Variants in SRRM2 observed in about 807,000 individuals in gnomAD.
The protein encoded by SRRM2 is serine/arginine repetitive matrix protein 2.
In SRRM2, 30 loss-of-function variants were observed where a neutral mutation model predicts 213.8. That is an observed-to-expected ratio of 0.14 (90% confidence interval 0.10 to 0.19). SRRM2 has a LOEUF of 0.19. Among genes scored for constraint, SRRM2 ranks in the 10% least tolerant of loss-of-function variants. The probability of loss-of-function intolerance (pLI) is 1.00; values close to 1 mark genes in which losing one functional copy is unlikely to be tolerated. For missense variants in SRRM2, 4,904 were observed against 3,647.0 expected (o/e 1.34, Z -8.88); for synonymous variants, 2,025 against 1,377.7 (o/e 1.47, Z -10.40).
chr16:2,759,334 C>G lies in SRRM2; in HGVS notation c.690-18C>G. The G allele has an allele frequency of 6.2e-7, 1 of 1,609,068 alleles. No homozygotes were observed. Among genetic ancestry groups the G allele is most frequent in the Non-Finnish European group, 8.5e-7 (1 of 1,178,660 alleles). On this transcript the variant is annotated intron_variant, in intron 7 of 14. Coordinates refer to ENST00000301740, the MANE Select transcript of SRRM2 (RefSeq NM_016333.4). ...TTTTTAAAGAAGTTACTTTTAACAA[C>G]CTTTCCTTATTTCCCAGGTCTCCCA...
chr16:2,755,886 G>A (rs867819674), intron 1 of SRRM2, among the ~76,000 whole-genome samples: 2 of 152,138 alleles, frequency 1.3e-5, no homozygotes, highest in Non-Finnish European at 2.9e-5. Context: ...ATCTGTGTCT[G>A]GTGTTTGTTG....
chr16:2,759,469 A>G, intron 8 of SRRM2, 67 bp downstream of exon 8: 2 of 1,597,386 alleles, frequency 1.3e-6, no homozygotes, highest in Non-Finnish European at 1.7e-6. Context: ...AGGGAGTTGA[A>G]TGAGTTATGT....
chr16:2,756,277 G>GGTAAGTGGTTAGTTTGGGGCC, intron 1 of SRRM2, 57 bp from the exon 2 acceptor site: 1 of 1,417,310 alleles, frequency 7.1e-7, no homozygotes, highest in Non-Finnish European at 9.3e-7. Flanking sequence ...GGTGTGGGGC[G>GGTAAGTGGTTAGTTTGGGGCC]GTAAGTGGTT....
At position 2,767,642 on chromosome 16, in the gene SRRM2, G is replaced by T; in HGVS notation, c.7114G>T (p.Ala2372Ser). 1 of 1,614,162 alleles carries T rather than the reference G, an allele frequency of 6.2e-7. No individual in the cohort carries two copies. ...CGCGAGCCTCACCAGTGCTAGGATG[G>T]CTCCAGCATTGTCTGGTGCAAACCT... ...APASLTSARMAPALSGANLTS... is the reference protein window; with the variant it reads ...APASLTSARMSPALSGANLTS... The change falls in exon 11 of 15, where the codon GCT (alanine) becomes TCT (serine). Residue 2372 changes from alanine to serine, a missense_variant. Ala to Ser is a moderately conservative substitution (Grantham distance 99, BLOSUM62 1). Coordinates refer to ENST00000301740, the MANE Select transcript of SRRM2 (RefSeq NM_016333.4).
chr16:2,765,696 G>C lies in SRRM2; in HGVS notation c.5168G>C (p.Arg1723Thr). The stretch of plus-strand genomic sequence containing the variant: ...GAAACTCGCTCTAGAACTCCCCCAA[G>C]GCACCGGAGAAGTCCCTCAGTGTCT... ...SPETRSRTPP[R>T]HRRSPSVSSP... The change falls in exon 11 of 15, where the codon AGG becomes ACG. Residue 1723 changes from arginine to threonine, a missense_variant. Transcript: ENST00000301740. The C allele has an allele frequency of 1.9e-6, 3 of 1,614,088 alleles. No individual in the cohort carries two copies. The highest frequency in any genetic ancestry group is 2.5e-6 in the Non-Finnish European group (3 of 1,180,018).
chr16:2,760,028 G>C, intron 9 of SRRM2: 1 of 558,466 alleles, frequency 1.8e-6, no homozygotes, highest in Non-Finnish European at 3.2e-6. Flanking sequence ...GAATGAAGCG[G>C]GTAGGGAGTG....
rs1211302654 is a variant in SRRM2, at chr16:2,765,586, T to C, written c.5058T>C (p.Pro1686=). ...CCAAGACCAAGTCTCGTACACCACC[T>C]CGACGTCGCAGCTCTCGATCATCTC... The part of the protein sequence containing the change: ...PEPKTKSRTP[P]RRRSSRSSPE... The change falls in exon 11 of 15, where the codon CCT becomes CCC. Residue 1686 remains proline (P), a synonymous_variant. Transcript: ENST00000301740. 1.2e-6 allele frequency: 2 copies of C among 1,613,926 alleles called. No homozygotes were observed. The highest frequency in any genetic ancestry group is 2.7e-5 in the African/African-American group (2 of 74,848).
chr16:2,767,951 C>G lies in SRRM2; in HGVS notation c.7423C>G (p.Leu2475Val). The change falls in exon 11 of 15, where the codon CTT becomes GTT. Residue 2475 changes from leucine to valine, a missense_variant. Physicochemically the swap from Leu to Val is conservative, Grantham distance 32. Coordinates refer to ENST00000301740, the MANE Select transcript of SRRM2 (RefSeq NM_016333.4). ...CACCCCTGTAGCAGGGTCTCAGTCC[C>G]TTTCCTCTGGGGCAGTGGCAACGAC... ...QTTPVAGSQS[L>V]SSGAVATTTS... 1.2e-6 allele frequency: 2 copies of G among 1,614,212 alleles called. No individual in the cohort carries two copies. The highest frequency in any genetic ancestry group is 1.7e-6 in the Non-Finnish European group (2 of 1,180,044).
rs1270112669 is a variant in SRRM2, at chr16:2,770,401, C to T, written c.8071C>T (p.Leu2691Phe). The T allele has an allele frequency of 9.3e-6, 15 of 1,610,226 alleles. No homozygotes were observed. Among genetic ancestry groups the T allele is most frequent in the Non-Finnish European group, 2.5e-6 (3 of 1,178,484 alleles). Residue 2691 changes from leucine to phenylalanine, a missense_variant, in exon 13 of 15, where the codon CTC (leucine) becomes TTC (phenylalanine). Physicochemically the swap from Leu to Phe is conservative, Grantham distance 22 (BLOSUM62 0). Transcript: ENST00000301740. ...PIDSLRDSRS[L>F]SYSPVERRRP... ...AGACTCCCTCAGGGACTCTCGGTCCCTCAGCTACTCGCCTGTGGAGCGTCG... is the reference window on the plus strand; with the variant it reads ...AGACTCCCTCAGGGACTCTCGGTCCTTCAGCTACTCGCCTGTGGAGCGTCG...
At position 2,767,461 on chromosome 16, in the gene SRRM2, C is replaced by T; in HGVS notation, c.6933C>T (p.Leu2311=). The T allele has an allele frequency of 6.2e-7, 1 of 1,614,208 alleles. No homozygotes were observed. Among genetic ancestry groups the T allele is most frequent in the Non-Finnish European group, 8.5e-7 (1 of 1,180,032 alleles). Residue 2311 remains leucine (L), a synonymous_variant, in exon 11 of 15, where the codon CTC becomes CTT. Coordinates refer to ENST00000301740, the MANE Select transcript of SRRM2 (RefSeq NM_016333.4). ...CAGCTGCCTTGGCAGCTCTGAGTCT[C>T]ACAGGCTCTGGCACACCACCAACTG... is the stretch of plus-strand genomic sequence containing the variant. The part of the protein sequence containing the change: ...RTPAALAALS[L]TGSGTPPTAA...
chr16:2,756,619 T>A lies in SRRM2; in HGVS notation c.242+13T>A. The A allele has an allele frequency of 6.2e-7, 1 of 1,605,776 alleles. No individual in the cohort carries two copies. Among genetic ancestry groups the A allele is most frequent in the Non-Finnish European group, 8.5e-7 (1 of 1,175,752 alleles). On this transcript the variant is annotated intron_variant, in intron 2 of 14. Transcript: ENST00000301740. ...TGGAAGAGCAGGGGTGAGGGAGAGC[T>A]GGGGGAGAGTCAAGCACTGAATGAG... is the stretch of plus-strand genomic sequence containing the variant.
chr16:2,754,895 C>T (rs2068086613), intron 1 of SRRM2, among the ~76,000 whole-genome samples: 1 of 152,154 alleles, frequency 6.6e-6, no homozygotes, highest in African/African-American at 2.4e-5. Context: ...CTTCTGCTTT[C>T]AATATTGGGT....
Position 2,763,247 on chromosome 16 carries a change from C to G in SRRM2, c.2719C>G (p.Gln907Glu), listed in dbSNP as rs774873039. The G allele has an allele frequency of 2.5e-5, 41 of 1,613,980 alleles. No individual in the cohort carries two copies. The South Asian group carries it at 4.4e-4, about 17-fold the overall frequency. Residue 907 changes from glutamine (Q) to glutamate (E), a missense_variant, in exon 11 of 15, where the codon CAG becomes GAG. Physicochemically the swap from Gln to Glu is conservative, Grantham distance 29. Transcript: ENST00000301740. ...AGTGAAATCTAGCACACCTCCCAGA[C>G]AGAGCCCATCTAGGTCATCATCTCC... Reference protein sequence around the residue: ...PRVKSSTPPRQSPSRSSSPQP... With the variant: ...PRVKSSTPPRESPSRSSSPQP...
chr16:2,757,971 C>T (rs2068206585), intron 4 of SRRM2, 26 bp downstream of exon 4: 3 of 1,590,860 alleles, frequency 1.9e-6, no homozygotes, highest in East Asian at 2.2e-5. Flanking sequence ...AAACCACTGT[C>T]AGCTTCTTTT....
rs80105655 is a variant in SRRM2 at position 2,755,307 on chromosome 16, A to C, written c.-31-1027A>C. On this transcript the variant is annotated intron_variant, in intron 1 of 14. Coordinates refer to ENST00000301740, the MANE Select transcript of SRRM2 (RefSeq NM_016333.4). The stretch of plus-strand genomic sequence containing the variant: ...ATGGGGTTAACACAGGAGAGAAGGA[A>C]GAGGCAGGGCTGAGAGAGAAAAACT... Among the ~76,000 whole-genome samples, 803 of 152,280 alleles carry C rather than the reference A, an allele frequency of 5.3e-3. 10 individuals carry two copies. Among genetic ancestry groups the C allele is most frequent in the African/African-American group, 0.019 (779 of 41,562 alleles).
chr16:2,764,029 A>C lies in SRRM2; in HGVS notation c.3501A>C (p.Lys1167Asn), dbSNP rs759703321. Residue 1167 changes from lysine to asparagine, a missense_variant, in exon 11 of 15, where the codon AAA becomes AAC. By Grantham distance (94) the Lys-to-Asn change is moderately conservative. Transcript: ENST00000301740. ...SRLETAESKE[K>N]MALPPQEDAT... ...TGGAGACTGCTGAATCAAAAGAGAA[A>C]ATGGCCTTACCCCCTCAGGAGGATG... is the stretch of plus-strand genomic sequence containing the variant. 6.2e-7 allele frequency: 1 copy of C among 1,614,044 alleles called. No individual in the cohort carries two copies. The highest frequency in any genetic ancestry group is 8.5e-7 in the Non-Finnish European group (1 of 1,180,038).
intron 2 of SRRM2, 52 bp from the exon 3 acceptor site, chr16:2,757,420 G>T: frequency 6.5e-7 from 1 of 1,550,300 alleles, no homozygotes; most frequent in South Asian, 1.1e-5. Context: ...GGAAACCTGG[G>T]ACTGGGGAAA....
intron 5 of SRRM2, 65 bp from the exon 6 acceptor site, chr16:2,758,920 A>T: frequency 1.3e-6 from 2 of 1,588,164 alleles, no homozygotes; most frequent in Middle Eastern, 1.7e-4. Flanking sequence ...TAGGAGAGAG[A>T]TTGTAAGTGG....
chr16:2,764,071 T>G lies in SRRM2; in HGVS notation c.3543T>G (p.Pro1181=). 1 of 1,614,140 alleles carries G rather than the reference T, an allele frequency of 6.2e-7. No individual in the cohort carries two copies. The highest frequency in any genetic ancestry group is 8.5e-7 in the Non-Finnish European group (1 of 1,180,018). The change falls in exon 11 of 15, where the codon CCT becomes CCG. Residue 1181 remains proline, a synonymous_variant. Transcript: ENST00000301740. ...PPQEDATASP[P]RQKDKFSPFP... ...AGGAGGATGCTACTGCATCACCTCC[T>G]AGACAGAAAGACAAATTTAGTCCCT...
Sources: gnomAD v4.1 joint callset for allele counts (sites outside exome capture counted in the v4.1 genomes callset) on GRCh38, gnomAD v4.1.1 for gene constraint, MANE v1.5 for transcripts, NCBI Gene and HGNC (gene_info 2026-07-23, HGNC 2026-07-21) for gene names.